Variants in SPATA9 observed in about 807,000 individuals in gnomAD.
SPATA9 encodes the protein spermatogenesis-associated protein 9.
A neutral mutation model predicts 25.5 loss-of-function variants in SPATA9; 27 were observed. The ratio of observed to expected loss-of-function variants is 1.06; its 90% CI spans 0.78 to 1.46. The LOEUF is 1.46. SPATA9 is among the 40% of genes most tolerant of loss of function. The pLI, the probability that SPATA9 is intolerant of heterozygous loss-of-function variation, is 0.00. For missense variants in SPATA9, 282 were observed against 297.5 expected (o/e 0.95, Z 0.38); for synonymous variants, 102 against 105.7 (o/e 0.97, Z 0.21).
At chr5:95,707,988 A>G in the SPATA9 span, among the ~76,000 whole-genome samples, 7 of 152,222 alleles carry the variant, frequency 4.6e-5, no homozygotes, top group Non-Finnish European at 7.3e-5. Flanking sequence ...GAAGCTATGC[A>G]TTGTTTTACA....
the SPATA9 span, among the ~76,000 whole-genome samples, chr5:95,707,211 A>G: frequency 2.0e-3 from 305 of 152,314 alleles, no homozygotes; most frequent in African/African-American, 7.2e-3. Flanking sequence ...AGAACTACTA[A>G]AGGAGGAATA....
intron 1 of SPATA9, among the ~76,000 whole-genome samples, chr5:95,688,370 A>G (rs1434188476): frequency 1.3e-5 from 2 of 152,094 alleles, no homozygotes; most frequent in African/African-American, 4.8e-5. Flanking sequence ...TTCCCACCTT[A>G]GCCTCCTAAG....
At chr5:95,698,532 AG>A (rs1754096771) in intron 1 of SPATA9, 1 of 152,232 alleles carries the variant, frequency 6.6e-6, no homozygotes, top group African/African-American at 2.4e-5. Context: ...GCCACTCCTA[AG>A]GGCACCAATG....
At chr5:95,718,965 T>C in the SPATA9 span, among the ~76,000 whole-genome samples, 1 of 151,998 alleles carries the variant, frequency 6.6e-6, no homozygotes, top group African/African-American at 2.4e-5. Flanking sequence ...TTGTTTTAGA[T>C]GTGGAGCTGT....
chr5:95,731,042 T>G, the SPATA9 span: 1 of 1,014,352 alleles, frequency 9.9e-7, no homozygotes. Flanking sequence ...TTCCTGGCTC[T>G]GGTTACGGCC....
chr5:95,723,183 TA>T, the SPATA9 span, among the ~76,000 whole-genome samples: 226 of 145,628 alleles, frequency 1.6e-3, no homozygotes, highest in African/African-American at 4.4e-3. Context: ...CTGATGAACT[TA>T]AAAAAAAAAA....
chr5:95,665,904 G>T (rs987299432), intron 3 of SPATA9, among the ~76,000 whole-genome samples: 23 of 152,066 alleles, frequency 1.5e-4, no homozygotes, highest in African/African-American at 5.3e-4. Context: ...GGGAGGCAGA[G>T]GTTGCAGTGA....
the SPATA9 span, among the ~76,000 whole-genome samples, chr5:95,727,601 T>C: frequency 2.6e-5 from 4 of 152,338 alleles, no homozygotes; most frequent in African/African-American, 7.2e-5. Context: ...GACCTTGAGG[T>C]TGGAGGACAT....
In SPATA9 at chr5:95,682,879, G is replaced by T; in HGVS notation, c.-25C>A. The T allele has an allele frequency of 6.7e-7, 1 of 1,497,644 alleles. No individual in the cohort carries two copies. The highest frequency in any genetic ancestry group is 2.3e-5 in the East Asian group (1 of 43,090). The allele number at this position is 1,497,644 out of a possible 1,614,324, so 92.8% of individuals were successfully genotyped here. A position where few individuals can be genotyped will look rare whatever the true frequency, so the allele number is the denominator to read the frequency against. On this transcript the variant is annotated 5_prime_UTR_variant, in exon 1 of 5. Coordinates refer to ENST00000274432, the MANE Select transcript of SPATA9 (RefSeq NM_031952.4). Reference sequence around the variant, plus strand: ...TGGTGAGTTCTTGCTTGGGTTCCTAGTCCTTAACAAGCTTGCAGGCCTGGG... The same window carrying T: ...TGGTGAGTTCTTGCTTGGGTTCCTATTCCTTAACAAGCTTGCAGGCCTGGG...
intron 3 of SPATA9, among the ~76,000 whole-genome samples, chr5:95,671,340 T>C (rs115072038): frequency 5.8e-4 from 89 of 152,340 alleles, no homozygotes; most frequent in African/African-American, 2.0e-3. Context: ...CCACAGTCCA[T>C]AGGGCAAGGG....
chr5:95,689,710 A>G (rs1036608954), intron 1 of SPATA9, among the ~76,000 whole-genome samples: 2 of 152,204 alleles, frequency 1.3e-5, no homozygotes, highest in Non-Finnish European at 2.9e-5. Flanking sequence ...AGAAGACCCA[A>G]TTAGAAGACA....
downstream of SPATA9, among the ~76,000 whole-genome samples, chr5:95,653,847 G>A (rs1246834829): frequency 6.6e-6 from 1 of 152,180 alleles, no homozygotes; most frequent in Non-Finnish European, 1.5e-5. Context: ...GCAGTGAGCT[G>A]AGATCGTGCT....
chr5:95,697,424 T>C (rs1377025668), intron 1 of SPATA9, among the ~76,000 whole-genome samples: 3 of 152,090 alleles, frequency 2.0e-5, no homozygotes, highest in Non-Finnish European at 4.4e-5. Context: ...TGGTGAGCAG[T>C]TCAAAAGAAA....
chr5:95,730,842 T>C, the SPATA9 span: 2 of 453,256 alleles, frequency 4.4e-6, no homozygotes, highest in East Asian at 1.4e-4. Context: ...CTCACAAGTA[T>C]GATTTTAGAA....
chr5:95,668,239 A>C (rs974675898), intron 3 of SPATA9, among the ~76,000 whole-genome samples: 4 of 152,228 alleles, frequency 2.6e-5, no homozygotes, highest in African/African-American at 9.6e-5. Context: ...GATTAGTTTC[A>C]AAATAAATTA....
At chr5:95,695,181 T>C (rs1753985030) in intron 1 of SPATA9, among the ~76,000 whole-genome samples, 2 of 152,226 alleles carry the variant, frequency 1.3e-5, no homozygotes, top group African/African-American at 4.8e-5. Context: ...TAAGAGTTTA[T>C]GGTTATGAAT....
At chr5:95,666,655 A>G (rs1263417796) in intron 3 of SPATA9, among the ~76,000 whole-genome samples, 3 of 152,222 alleles carry the variant, frequency 2.0e-5, no homozygotes, top group Non-Finnish European at 4.4e-5. Flanking sequence ...TAACATACAA[A>G]AACAAGCCAA....
chr5:95,653,108 T>C, exon 9 of SPATA9: 2 of 1,551,248 alleles, frequency 1.3e-6, no homozygotes, highest in Non-Finnish European at 1.7e-6. Flanking sequence ...GTATTTGCTC[T>C]TCTTTCAGTA....
At chr5:95,683,097 G>T, upstream of SPATA9, 1 of 936,046 alleles carries the variant, frequency 1.1e-6, no homozygotes, top group Non-Finnish European at 1.4e-6. Context: ...GGAGGCATAA[G>T]GGAAGGAGTG....
Sources: allele counts gnomAD v4.1 joint callset (sites outside exome capture counted in the v4.1 genomes callset), GRCh38; gene constraint gnomAD v4.1.1; transcripts MANE v1.5; gene names NCBI Gene and HGNC (gene_info 2026-07-23, HGNC 2026-07-21).